CD46: variants seen among roughly 807,000 people sequenced by gnomAD.
The protein encoded by CD46 is CD46 molecule.
A neutral mutation model predicts 53.3 loss-of-function variants in CD46; 30 were observed. The ratio of observed to expected loss-of-function variants is 0.56; its 90% CI spans 0.42 to 0.76. The LOEUF (loss-of-function observed/expected upper bound fraction) is 0.76. Among genes scored for constraint, CD46 ranks in the 30% least tolerant of loss-of-function variants. CD46 has a pLI of 0.00. For synonymous variants in CD46, 142 were observed against 152.0 expected (o/e 0.93, Z 0.48); for missense variants, 409 against 463.0 (o/e 0.88, Z 1.07).
chr1:207,784,103 C>T (rs750381695), intron 9 of CD46, among the ~76,000 whole-genome samples: 1 of 152,098 alleles, frequency 6.6e-6, no homozygotes, highest in Non-Finnish European at 1.5e-5. Flanking sequence ...CCTGGTGTTT[C>T]ATTTATTATG....
intron 8 of CD46, among the ~76,000 whole-genome samples, chr1:207,775,917 C>T (rs372896077): frequency 6.6e-5 from 10 of 152,316 alleles, no homozygotes; most frequent in African/African-American, 2.2e-4. Context: ...CAGACAGGGA[C>T]GTTTAAGTCT....
intron 8 of CD46, among the ~76,000 whole-genome samples, chr1:207,777,244 A>T (rs1259672197): frequency 6.6e-6 from 1 of 152,134 alleles, no homozygotes; most frequent in Non-Finnish European, 1.5e-5. Flanking sequence ...AGAGTAAAAG[A>T]TTAGTTTTAT....
Position 207,790,284 on chromosome 1 carries a change from G to A in CD46, c.1114G>A (p.Val372Ile). ...TYLTDETHREVKFTSL is the reference protein window; with the variant it reads ...TYLTDETHREIKFTSL ...CCTAACTGATGAGACCCACAGAGAAGTAAAATTTACTTCTCTCTGAGAAGG... is the reference window on the plus strand; with the variant it reads ...CCTAACTGATGAGACCCACAGAGAAATAAAATTTACTTCTCTCTGAGAAGG... The change falls in exon 12 of 13, where the codon GTA becomes ATA. Residue 372 changes from valine (V) to isoleucine (I), a missense_variant. Val to Ile is a conservative substitution (Grantham distance 29, BLOSUM62 3). Transcript: ENST00000367042. The A allele has an allele frequency of 1.3e-6, 2 of 1,599,784 alleles. No homozygotes were observed. The highest frequency in any genetic ancestry group is 1.7e-6 in the Non-Finnish European group (2 of 1,167,150).
At chr1:207,776,698 G>A (rs1369752774) in intron 8 of CD46, among the ~76,000 whole-genome samples, 5 of 152,124 alleles carry the variant, frequency 3.3e-5, no homozygotes, top group Non-Finnish European at 5.9e-5. Flanking sequence ...GTGCAACCAC[G>A]GCACACTGCA....
chr1:207,786,673 G>C (rs570239082), intron 11 of CD46, among the ~76,000 whole-genome samples: 1 of 152,020 alleles, frequency 6.6e-6, no homozygotes, highest in South Asian at 2.1e-4. Context: ...CTTTTATACT[G>C]ATCATCAGGT....
intron 5 of CD46, 77 bp from the exon 6 acceptor site, chr1:207,766,936 C>A: frequency 1.7e-6 from 2 of 1,170,164 alleles, no homozygotes; most frequent in Non-Finnish European, 2.5e-6. Flanking sequence ...TCTGTTCACA[C>A]TGGAAATTAC....
At position 207,783,328 on chromosome 1, in the gene CD46, TG is replaced by T; in HGVS notation, c.982+1del. 6.5e-7 allele frequency: 1 copy of T among 1,544,456 alleles called. No homozygotes were observed. Among genetic ancestry groups the T allele is most frequent in the Non-Finnish European group, 9.0e-7 (1 of 1,117,160 alleles). On this transcript the variant is annotated frameshift_variant and splice_region_variant, in exon 9 of 13. Coordinates refer to ENST00000367042, the MANE Select transcript of CD46 (RefSeq NM_172351.3). LOFTEE classifies it high-confidence loss of function. ...CCTGAGGAAGGAATACTTGACAGTT[TG>T]GGTTGGTATAGCTATCATGACAAAT... ...PKPEEGILDSLDVWVIAVIVI... is the reference protein window; with the variant it reads ...PKPEEGILDSXDVWVIAVIVI...
intron 8 of CD46, among the ~76,000 whole-genome samples, chr1:207,780,499 T>A (rs1414039862): frequency 2.0e-5 from 3 of 152,190 alleles, no homozygotes; most frequent in African/African-American, 7.2e-5. Flanking sequence ...TTTTGAGTAA[T>A]GCTGTTATAA....
rs192661947 is a variant in CD46, at chr1:207,758,031, G to C, written c.389+389G>C. 1.7e-3 allele frequency among the ~76,000 whole-genome samples: 264 copies of C among 152,298 alleles called. 5 individuals carry two copies. The highest frequency in any genetic ancestry group is 5.8e-4 in the East Asian group (3 of 5,184). ...ACTTGTATCCAGATGACTCTGTAAA[G>C]TGTTATCAGACCAAAACTGACGCGG... On this transcript the variant is annotated intron_variant, in intron 3 of 12. Transcript: ENST00000367042.
intron 7 of CD46, chr1:207,768,823 G>C (rs1165000861): frequency 1.3e-5 from 2 of 152,206 alleles, no homozygotes; most frequent in Non-Finnish European, 2.9e-5. Context: ...CATCATTTCT[G>C]TGGTCTTCAG....
rs777550747 is a variant in CD46 at position 207,752,331 on chromosome 1, G to A, written c.97+22G>A. On this transcript the variant is annotated intron_variant, in intron 1 of 12. Coordinates refer to ENST00000367042, the MANE Select transcript of CD46 (RefSeq NM_172351.3). The surrounding 1 kb of genome is among the most constrained non-coding windows in gnomAD (Gnocchi z 4.1). The stretch of plus-strand genomic sequence containing the variant: ...TCCGGTAGGACCCCGGGGCGGGTTC[G>A]CGCGTCCGCGGCGAGACTAGAGCTC... 6.2e-7 allele frequency: 1 copy of A among 1,607,378 alleles called. No homozygotes were observed. The highest frequency in any genetic ancestry group is 8.5e-7 in the Non-Finnish European group (1 of 1,174,178).
At chr1:207,788,360 CA>C (rs1205954774) in intron 11 of CD46, among the ~76,000 whole-genome samples, 21,543 of 80,112 alleles carry the variant, frequency 0.27, 2,053 homozygotes, top group African/African-American at 0.4. Flanking sequence ...ACTAAAAATA[CA>C]AAAAAAAAAA....
chr1:207,781,378 T>A (rs549017462), intron 8 of CD46, among the ~76,000 whole-genome samples: 1 of 152,266 alleles, frequency 6.6e-6, no homozygotes, highest in Non-Finnish European at 1.5e-5. Flanking sequence ...CCTCTCATTC[T>A]GTGGGTTGCC....
At chr1:207,792,528 G>A (rs1015602550) in intron 12 of CD46, among the ~76,000 whole-genome samples, 1 of 152,170 alleles carries the variant, frequency 6.6e-6, no homozygotes, top group Non-Finnish European at 1.5e-5. Context: ...AGCAGTAGGA[G>A]ATAAATTCCA....
intron 8 of CD46, among the ~76,000 whole-genome samples, chr1:207,771,491 T>C (rs1371699971): frequency 3.3e-5 from 5 of 152,172 alleles, no homozygotes. Context: ...TCCTGAATGG[T>C]ATTGCCTAGG....
intron 4 of CD46, 81 bp downstream of exon 4, chr1:207,759,805 A>G: frequency 1.3e-6 from 1 of 745,200 alleles, no homozygotes; most frequent in Non-Finnish European, 2.4e-6. Flanking sequence ...ACACTTTAAG[A>G]TTAACAAAGA....
Position 207,774,729 on chromosome 1 carries a change from G to A in CD46, c.943+4367G>A, listed in dbSNP as rs918088197. ...ATTGGCCCCCATTCTTTTAAGGCTC[G>A]TAGGGTTTCTGCTGAGACATCCGCT... On this transcript the variant is annotated intron_variant, in intron 8 of 12. Transcript: ENST00000367042. Among the ~76,000 whole-genome samples, 80 of 152,194 alleles carry A rather than the reference G, an allele frequency of 5.3e-4. 1 individual carries two copies. The highest frequency in any genetic ancestry group is 4.1e-4 in the South Asian group (2 of 4,834).
At chr1:207,763,774 A>G (rs1656511833) in intron 5 of CD46, among the ~76,000 whole-genome samples, 1 of 151,754 alleles carries the variant, frequency 6.6e-6, no homozygotes. Context: ...TTAAGGTTCA[A>G]ATAAGGGATT....
intron 12 of CD46, among the ~76,000 whole-genome samples, chr1:207,792,237 A>G (rs1282920097): frequency 6.6e-6 from 1 of 151,982 alleles, no homozygotes; most frequent in Non-Finnish European, 1.5e-5. Context: ...AGATCACACC[A>G]CACTGCACTC....
Sources: allele counts gnomAD v4.1 joint callset (sites outside exome capture counted in the v4.1 genomes callset), GRCh38; gene constraint gnomAD v4.1.1; non-coding constraint Gnocchi (gnomAD v3.1); transcripts MANE v1.5; gene names NCBI Gene and HGNC (gene_info 2026-07-23, HGNC 2026-07-21).